SCFD1: variants seen among roughly 807,000 people sequenced by gnomAD.
SCFD1 encodes sec1 family domain containing 1.
Under a neutral mutation model 103.2 loss-of-function variants are expected in SCFD1, and 37 were observed. That is an observed-to-expected ratio of 0.36 (90% CI 0.28 to 0.47). The LOEUF (loss-of-function observed/expected upper bound fraction) is 0.47, where lower values mean the gene tolerates loss of function less well. SCFD1 is among the 20% of genes least tolerant of loss of function. The pLI, the probability that SCFD1 is intolerant of heterozygous loss-of-function variation, is 1.00. For missense variants in SCFD1, 639 were observed against 761.2 expected (o/e 0.84, Z 1.89); for synonymous variants, 264 against 245.0 (o/e 1.08, Z -0.73).
chr14:30,695,024 C>T (rs1431282540), intron 15 of SCFD1, among the ~76,000 whole-genome samples, 155 bp downstream of exon 15: 1 of 152,158 alleles, frequency 6.6e-6, no homozygotes, highest in Non-Finnish European at 1.5e-5. Flanking sequence ...AATTTTATAA[C>T]TTAGCAGTTC....
chr14:30,726,870 CAT>C (rs528907089), intron 23 of SCFD1, among the ~76,000 whole-genome samples: 169 of 152,300 alleles, frequency 1.1e-3, no homozygotes, highest in African/African-American at 3.9e-3. Flanking sequence ...CCATAGGACT[CAT>C]AGAACTGTGC....
At chr14:30,669,882 A>G (rs1888384182) in intron 10 of SCFD1, 1 of 170,900 alleles carries the variant, frequency 5.9e-6, no homozygotes, top group Admixed American at 6.5e-5. Context: ...AAATGTACAT[A>G]TACAGATACA....
rs1230422373 is a variant in SCFD1 at position 30,688,676 on chromosome 14, CTCCA to C, written c.1243-6093_1243-6090del. ...TTTTCCATTTGCTTGGTAGATCTTC[CTCCA>C]TCCTTTTATTTTGAGCCTATGTGTG... On this transcript the variant is annotated intron_variant, in intron 14 of 24. Coordinates refer to ENST00000458591, the MANE Select transcript of SCFD1 (RefSeq NM_016106.4). Among the ~76,000 whole-genome samples, 165 of 90,276 alleles carry C rather than the reference CTCCA, an allele frequency of 1.8e-3. 11 individuals are homozygous for C. Among genetic ancestry groups the C allele is most frequent in the African/African-American group, 0.012 (155 of 12,768 alleles). The allele number at this position is 90,276 out of a possible 152,430, so 59.2% of individuals were successfully genotyped here. A position where few individuals can be genotyped will look rare whatever the true frequency, so the allele number is the denominator to read the frequency against.
chr14:30,645,493 A>G (rs1259262224), intron 7 of SCFD1, among the ~76,000 whole-genome samples: 3 of 152,032 alleles, frequency 2.0e-5, no homozygotes, highest in Non-Finnish European at 2.9e-5. Flanking sequence ...TGTTTGTGTC[A>G]TCTCTGATTT....
Position 30,719,399 on chromosome 14 carries a change from T to A in SCFD1, c.1736+22T>A, listed in dbSNP as rs745491419. The A allele has an allele frequency of 3.0e-5, 47 of 1,585,570 alleles. No homozygotes were observed. The Middle Eastern group carries it at 1.2e-3, about 39-fold the overall frequency. On this transcript the variant is annotated intron_variant, in intron 21 of 24. Transcript: ENST00000458591. ...ACAGGTAAGCAGCTTTTGTCTTGTT[T>A]AACTTGTGGATTTTTTCCCCTCGAG... is the stretch of plus-strand genomic sequence containing the variant.
chr14:30,650,580 C>A lies in SCFD1; in HGVS notation c.685C>A (p.Leu229Ile). ...TATTTTTCAGAAACTAGACAAGAAA[C>A]TTCGAGAAAATCTAAGAGATGCAAG... ...EMVAVKLDKK[L>I]RENLRDARNS... Residue 229 changes from leucine (L) to isoleucine (I), a missense_variant, in exon 9 of 25, where the codon CTT becomes ATT. By Grantham distance (5) the Leu-to-Ile change is conservative (BLOSUM62 2). Transcript: ENST00000458591. The A allele has an allele frequency of 2.1e-5, 34 of 1,606,194 alleles. No individual in the cohort carries two copies. The highest frequency in any genetic ancestry group is 2.7e-5 in the Non-Finnish European group (32 of 1,173,546).
intron 12 of SCFD1, among the ~76,000 whole-genome samples, 155 bp downstream of exon 12, chr14:30,673,502 C>A (rs1316597987): frequency 6.6e-6 from 1 of 151,852 alleles, no homozygotes; most frequent in Non-Finnish European, 1.5e-5. Context: ...AAAAAGAAAT[C>A]TAAATATTGA....
rs1184804036 is a variant in SCFD1 at position 30,734,806 on chromosome 14, A to G, written c.1853A>G (p.His618Arg). 1 of 1,613,462 alleles carries G rather than the reference A, an allele frequency of 6.2e-7. No individual in the cohort carries two copies. Among genetic ancestry groups the G allele is most frequent in the Non-Finnish European group, 8.5e-7 (1 of 1,179,470 alleles). The change falls in exon 24 of 25, where the codon CAC becomes CGC. Residue 618 changes from histidine (H) to arginine (R), a missense_variant. By Grantham distance (29) the His-to-Arg change is conservative. Transcript: ENST00000458591. ...VDYIKGKQGK[H>R]ILYGCSELFN... ...TTTTTACAGGGGAAACAAGGCAAAC[A>G]CATTTTATATGGCTGCAGTGAGCTT...
intron 14 of SCFD1, among the ~76,000 whole-genome samples, chr14:30,690,833 C>T (rs946833108): frequency 1.3e-5 from 2 of 152,232 alleles, no homozygotes; most frequent in Non-Finnish European, 2.9e-5. Context: ...CTTGGCTCCT[C>T]GCCCACTTAT....
At chr14:30,647,135 T>A (rs1043516619) in intron 7 of SCFD1, among the ~76,000 whole-genome samples, 2 of 152,192 alleles carry the variant, frequency 1.3e-5, no homozygotes, top group Non-Finnish European at 2.9e-5. Flanking sequence ...ATCTAATATG[T>A]GACTTTGTGC....
At chr14:30,625,267 G>A (rs1883269242) in intron 1 of SCFD1, among the ~76,000 whole-genome samples, 2 of 152,082 alleles carry the variant, frequency 1.3e-5, no homozygotes, top group Non-Finnish European at 2.9e-5. Flanking sequence ...CCAAGTCTAG[G>A]AATATGGATA....
intron 14 of SCFD1, among the ~76,000 whole-genome samples, chr14:30,680,286 A>G (rs1889367587): frequency 6.6e-6 from 1 of 152,244 alleles, no homozygotes; most frequent in Non-Finnish European, 1.5e-5. Context: ...TGTGTTAGCC[A>G]GGGTTCCCCA....
chr14:30,719,805 CT>C (rs1263310259), intron 21 of SCFD1, among the ~76,000 whole-genome samples: 1 of 152,008 alleles, frequency 6.6e-6, no homozygotes, highest in Non-Finnish European at 1.5e-5. Context: ...TATGTAACAC[CT>C]TGTGTCAATG....
intron 6 of SCFD1, among the ~76,000 whole-genome samples, chr14:30,640,107 CCACAGCAACTTG>C (rs1685881662): frequency 1.3e-5 from 2 of 152,206 alleles, no homozygotes; most frequent in Middle Eastern, 3.4e-3. Context: ...TTCTATACCC[CCACAGCAACTTG>C]CATGAATGGT....
intron 10 of SCFD1, among the ~76,000 whole-genome samples, chr14:30,663,528 C>T (rs1405387543): frequency 1.3e-5 from 2 of 152,138 alleles, no homozygotes; most frequent in Non-Finnish European, 2.9e-5. Flanking sequence ...CTTTCTTGCC[C>T]TATGATAATA....
chr14:30,707,797 A>G (rs1367653104), intron 18 of SCFD1, 193 bp from the exon 19 acceptor site: 1 of 649,882 alleles, frequency 1.5e-6, no homozygotes, highest in South Asian at 1.5e-5. Context: ...TTACTATTTT[A>G]TTGTTAAATA....
chr14:30,654,141 G>A (rs17097023), intron 10 of SCFD1, among the ~76,000 whole-genome samples: 40,620 of 152,048 alleles, frequency 0.27, 5,896 homozygotes, highest in East Asian at 0.62. Flanking sequence ...GATAAAACAC[G>A]GCTTCAGTCT....
At chr14:30,709,438 G>A (rs186405041) in intron 19 of SCFD1, among the ~76,000 whole-genome samples, 9 of 152,134 alleles carry the variant, frequency 5.9e-5, no homozygotes, top group Admixed American at 1.3e-4. Context: ...TCACTATGTC[G>A]CCCAGGCAGG....
intron 14 of SCFD1, among the ~76,000 whole-genome samples, chr14:30,678,525 C>T (rs1260013360): frequency 1.3e-5 from 2 of 152,150 alleles, no homozygotes; most frequent in Non-Finnish European, 2.9e-5. Flanking sequence ...AATACAAATG[C>T]AACTTTCCCA....
Sources: gnomAD v4.1 joint callset for allele counts (sites outside exome capture counted in the v4.1 genomes callset) on GRCh38, gnomAD v4.1.1 for gene constraint, MANE v1.5 for transcripts, NCBI Gene and HGNC (gene_info 2026-07-23, HGNC 2026-07-21) for gene names.